The following CHMP5 variants were observed in gnomAD, a reference collection of about 807,000 sequenced individuals.
The protein encoded by CHMP5 is SNF7 domain containing 2.
In CHMP5, 17 loss-of-function variants were observed where a neutral mutation model predicts 33.0. The ratio of observed to expected loss-of-function variants is 0.52; its 90% CI spans 0.35 to 0.77. The LOEUF is 0.77. Among genes scored for constraint, CHMP5 ranks in the 30% least tolerant of loss-of-function variants. CHMP5 has a pLI of 0.01. For synonymous variants in CHMP5, 76 were observed against 90.2 expected (o/e 0.84, Z 0.89); for missense variants, 216 against 261.5 (o/e 0.83, Z 1.20).
rs892557524 is a variant in CHMP5, at chr9:33,281,775, T to C, written c.*916T>C. 1 of 152,248 alleles carries C rather than the reference T, an allele frequency of 6.6e-6. No homozygotes were observed. Among genetic ancestry groups the C allele is most frequent in the African/African-American group, 2.4e-5 (1 of 41,470 alleles). 9.4% of individuals were successfully genotyped at this position (152,248 alleles called of 1,614,324 possible). On this transcript the variant is annotated 3_prime_UTR_variant, in exon 8 of 8. Transcript: ENST00000223500. ...TAACTCACAGAGCTTTTGTGAGGAA[T>C]AATTGAGGTAATGGTCATAAGTACC...
rs1471190823 is a variant in CHMP5, at chr9:33,271,155, G to A, written c.319G>A (p.Asp107Asn). The A allele has an allele frequency of 2.4e-5, 38 of 1,611,006 alleles. No individual in the cohort carries two copies. The highest frequency in any genetic ancestry group is 3.1e-5 in the Non-Finnish European group (37 of 1,177,146). Residue 107 changes from aspartate to asparagine, a missense_variant, in exon 5 of 8, where the codon GAT (aspartate) becomes AAT (asparagine). By Grantham distance (23) the Asp-to-Asn change is conservative (BLOSUM62 1). Transcript: ENST00000223500. The stretch of plus-strand genomic sequence containing the variant: ...GTTTTCTTCTTCCTTTTCTTAGGTT[G>A]ATGCTATGAAACTGGGAGTAAAGGA... Reference protein sequence around the residue: ...QSLKDTKTTVDAMKLGVKEMK... With the variant: ...QSLKDTKTTVNAMKLGVKEMK...
intron 6 of CHMP5, 41 bp downstream of exon 6, chr9:33,276,605 C>G: frequency 9.4e-7 from 1 of 1,065,052 alleles, no homozygotes; most frequent in Non-Finnish European, 1.4e-6. Context: ...GTTTTGGAGT[C>G]CAAAAGCAAC....
intron 7 of CHMP5, among the ~76,000 whole-genome samples, chr9:33,280,277 T>C (rs1407411498): frequency 1.3e-5 from 2 of 152,116 alleles, no homozygotes; most frequent in Admixed American, 1.3e-4. Context: ...GCGCCCGGCC[T>C]GTTGTTGTTT....
intron 5 of CHMP5, among the ~76,000 whole-genome samples, chr9:33,271,448 T>C (rs1249991263): frequency 1.3e-5 from 2 of 152,202 alleles, no homozygotes; most frequent in African/African-American, 2.4e-5. Flanking sequence ...ACGGTTCAAC[T>C]TAACGATTTT....
At chr9:33,278,080 A>AT in intron 6 of CHMP5, 33 bp from the exon 7 acceptor site, 28 of 1,428,804 alleles carry the variant, frequency 2.0e-5, no homozygotes, top group Non-Finnish European at 2.4e-5. Context: ...TCTTGGTTAC[A>AT]TTTTTTTTAA....
chr9:33,273,027 C>A (rs1820813770), intron 5 of CHMP5, among the ~76,000 whole-genome samples: 1 of 152,130 alleles, frequency 6.6e-6, no homozygotes, highest in Admixed American at 6.5e-5. Flanking sequence ...GGCTGGAGTG[C>A]AGTGTGATCT....
chr9:33,276,207 A>G (rs1374273245), intron 5 of CHMP5, among the ~76,000 whole-genome samples: 1 of 152,194 alleles, frequency 6.6e-6, no homozygotes, highest in Non-Finnish European at 1.5e-5. Flanking sequence ...GGGATGTTTT[A>G]AGAGTTACTT....
intron 5 of CHMP5, among the ~76,000 whole-genome samples, chr9:33,273,721 CTT>C (rs566756721): frequency 4.2e-5 from 6 of 142,930 alleles, no homozygotes; most frequent in African/African-American, 7.6e-5. Context: ...TAGCTTAGTG[CTT>C]TTTTTTTTTA....
At chr9:33,278,270 CT>C in intron 7 of CHMP5, 45 bp downstream of exon 7, 1 of 1,137,672 alleles carries the variant, frequency 8.8e-7, no homozygotes, top group Non-Finnish European at 1.3e-6. Flanking sequence ...ATAGCAAAGG[CT>C]TTATGCTTGA....
rs1463725796 is a variant in CHMP5, at chr9:33,278,133, G to A, written c.517G>A (p.Glu173Lys). 4 of 1,611,004 alleles carry A rather than the reference G, an allele frequency of 2.5e-6. No homozygotes were observed. In the Admixed American group the frequency reaches 5.0e-5, roughly 20 times the overall value. ...CTCAGAGTTGGATGCACTAGGTGAT[G>A]AGCTTCTGGCTGATGAAGACAGTTC... ...LEAELDALGDELLADEDSSYL... is the reference protein window; with the variant it reads ...LEAELDALGDKLLADEDSSYL... The change falls in exon 7 of 8, where the codon GAG (glutamate) becomes AAG (lysine). Residue 173 changes from glutamate (E) to lysine (K), a missense_variant. Coordinates refer to ENST00000223500, the MANE Select transcript of CHMP5 (RefSeq NM_016410.6).
At chr9:33,266,191 G>C (rs543239685) in intron 2 of CHMP5, 77 bp downstream of exon 2, 37 of 948,842 alleles carry the variant, frequency 3.9e-5, no homozygotes, top group Non-Finnish European at 6.0e-5. Context: ...GGCCTAGTTC[G>C]GCTGGGCGCA....
intron 2 of CHMP5, among the ~76,000 whole-genome samples, chr9:33,266,420 A>C (rs1435380332): frequency 6.6e-6 from 1 of 152,174 alleles, no homozygotes; most frequent in East Asian, 1.9e-4. Context: ...TGCAGTGAGC[A>C]GAGACCACAC....
chr9:33,272,393 C>CAAA lies in CHMP5; in HGVS notation c.387+1185_387+1187dup, dbSNP rs10710870. Among the ~76,000 whole-genome samples, 23 of 125,088 alleles carry CAAA rather than the reference C, an allele frequency of 1.8e-4. 1 individual carries two copies. Among genetic ancestry groups the CAAA allele is most frequent in the African/African-American group, 6.7e-4 (22 of 32,986 alleles). 82.1% of individuals were successfully genotyped at this position (125,088 alleles called of 152,430 possible). On this transcript the variant is annotated intron_variant, in intron 5 of 7. Transcript: ENST00000223500. The stretch of plus-strand genomic sequence containing the variant: ...TCAGAGGCTATAAAGGGAGATAAAG[C>CAAA]AAAAAAAAAAAAAAAAAGAGAGAAA...
intron 7 of CHMP5, among the ~76,000 whole-genome samples, chr9:33,279,898 C>G (rs1339643702): frequency 2.0e-5 from 3 of 148,474 alleles, no homozygotes; most frequent in Non-Finnish European, 4.5e-5. Context: ...GTCCCTGAAG[C>G]ATCTATGTTA....
intron 2 of CHMP5, 146 bp from the exon 3 acceptor site, chr9:33,267,707 A>G: frequency 1.6e-6 from 1 of 607,938 alleles, no homozygotes; most frequent in Non-Finnish European, 2.9e-6. Flanking sequence ...TGTTTTTGGG[A>G]GGGGAAGTAC....
At chr9:33,265,789 C>T (rs940265825) in intron 1 of CHMP5, among the ~76,000 whole-genome samples, 2 of 152,202 alleles carry the variant, frequency 1.3e-5, no homozygotes, top group African/African-American at 4.8e-5. Context: ...CACTTGAAGG[C>T]TACCTGGTAT....
At chr9:33,272,113 A>G (rs1279467692) in intron 5 of CHMP5, among the ~76,000 whole-genome samples, 3 of 152,144 alleles carry the variant, frequency 2.0e-5, no homozygotes, top group Non-Finnish European at 4.4e-5. Flanking sequence ...GAGCCCTAAG[A>G]GCTTGGCAGC....
In CHMP5 at chr9:33,280,870, T is replaced by C. The variant is rs371931475; in HGVS notation, c.*11T>C. Reference sequence around the variant, plus strand: ...ATCCCTGCTTCATAGATTTGCATCATTCAAGCATATCTTGTAAAACAAACA... The same window carrying C: ...ATCCCTGCTTCATAGATTTGCATCACTCAAGCATATCTTGTAAAACAAACA... On this transcript the variant is annotated 3_prime_UTR_variant, in exon 8 of 8. Coordinates refer to ENST00000223500, the MANE Select transcript of CHMP5 (RefSeq NM_016410.6). The C allele has an allele frequency of 9.3e-6, 15 of 1,605,036 alleles. No homozygotes were observed. Among genetic ancestry groups the C allele is most frequent in the East Asian group, 4.5e-5 (2 of 44,756 alleles).
chr9:33,274,665 G>C (rs1432238680), intron 5 of CHMP5, among the ~76,000 whole-genome samples: 1 of 152,172 alleles, frequency 6.6e-6, no homozygotes, highest in African/African-American at 2.4e-5. Context: ...GCCCAGGCTA[G>C]AGTGCGGTGG....
Sources: gnomAD v4.1 joint callset for allele counts (sites outside exome capture counted in the v4.1 genomes callset) on GRCh38, gnomAD v4.1.1 for gene constraint, MANE v1.5 for transcripts, NCBI Gene and HGNC (gene_info 2026-07-23, HGNC 2026-07-21) for gene names.